ITCH: variants seen among roughly 807,000 people sequenced by gnomAD.
The protein encoded by ITCH is E3 ubiquitin-protein ligase Itchy homolog.
Under a neutral mutation model 126.8 loss-of-function variants are expected in ITCH, and 28 were observed. The ratio of observed to expected loss-of-function variants is 0.22; its 90% confidence interval spans 0.16 to 0.30. ITCH has a LOEUF of 0.30. Among genes scored for constraint, ITCH ranks in the 10% least tolerant of loss-of-function variants. The pLI is 1.00. For synonymous variants in ITCH, 342 were observed against 340.0 expected (o/e 1.01, Z -0.06); for missense variants, 631 against 1,032.4 (o/e 0.61, Z 5.33).
chr20:34,402,239 T>G lies in ITCH; in HGVS notation c.71-6412T>G, dbSNP rs543690294. On this transcript the variant is annotated intron_variant, in intron 3 of 24. Coordinates refer to ENST00000374864, the MANE Select transcript of ITCH (RefSeq NM_031483.7). ...CAAATACATTCTTTAGGCCTTTCTT[T>G]GTGAGTGCAGAACACTCCACGTACT... 318 of 1,378,110 alleles carry G rather than the reference T, an allele frequency of 2.3e-4. 2 individuals are homozygous for G. The African/African-American group carries it at 4.0e-3, about 17-fold the overall frequency. The allele number at this position is 1,378,110 out of a possible 1,614,324, so 85.4% of individuals were successfully genotyped here.
At position 34,438,569 on chromosome 20, in the gene ITCH, G is replaced by C; in HGVS notation, c.617G>C (p.Gly206Ala). The change falls in exon 8 of 25, where the codon GGT (glycine) becomes GCT (alanine). Residue 206 changes from glycine (G) to alanine (A), a missense_variant. Physicochemically the swap from Gly to Ala is moderately conservative, Grantham distance 60 (BLOSUM62 0). This residue lies in a region of ITCH where 220 missense variants were observed against 265.7 expected (regional missense o/e 0.83). Coordinates refer to ENST00000374864, the MANE Select transcript of ITCH (RefSeq NM_031483.7). ...AATTCTCCATCACTCTCAAATGGTG[G>C]TTTTAAACCTTCTAGACCTCCAAGA... ...GNNSPSLSNG[G>A]FKPSRPPRPS... is the part of the protein sequence containing the mutation. 6.2e-7 allele frequency: 1 copy of C among 1,614,058 alleles called. No individual in the cohort carries two copies. The highest frequency in any genetic ancestry group is 8.5e-7 in the Non-Finnish European group (1 of 1,180,022).
intron 20 of ITCH, among the ~76,000 whole-genome samples, chr20:34,482,784 C>T (rs1988848429): frequency 1.3e-5 from 2 of 152,190 alleles, no homozygotes; most frequent in Admixed American, 1.3e-4. Flanking sequence ...AGTAGGGACT[C>T]TGTATGGGCC....
At position 34,507,286 on chromosome 20, in the gene ITCH, T is replaced by G. The variant is rs1043673909; in HGVS notation, c.2490-409T>G. Among the ~76,000 whole-genome samples the G allele has an allele frequency of 4.4e-3, 449 of 101,294 alleles. 6 individuals carry two copies. The highest frequency in any genetic ancestry group is 8.4e-3 in the South Asian group (21 of 2,494). 66.5% of individuals were successfully genotyped at this position (101,294 alleles called of 152,430 possible). ...CTGTTTTTTTTTTTTTTTTTTTTTTTTTTGGTTGTTGTTGTTGTTGTTTTG... is the reference window on the plus strand; with the variant it reads ...CTGTTTTTTTTTTTTTTTTTTTTTTGTTTGGTTGTTGTTGTTGTTGTTTTG... On this transcript the variant is annotated intron_variant, in intron 24 of 24. Coordinates refer to ENST00000374864, the MANE Select transcript of ITCH (RefSeq NM_031483.7).
intron 17 of ITCH, among the ~76,000 whole-genome samples, chr20:34,479,176 G>A (rs1988503000): frequency 6.6e-6 from 1 of 152,014 alleles, no homozygotes; most frequent in African/African-American, 2.4e-5. Flanking sequence ...AGTGGCACTT[G>A]ATGGGGATTA....
In ITCH at chr20:34,470,135, T is replaced by G; in HGVS notation, c.1497+15T>G. On this transcript the variant is annotated intron_variant, in intron 15 of 24. Coordinates refer to ENST00000374864, the MANE Select transcript of ITCH (RefSeq NM_031483.7). ...TCTGGTGTCAGGTTAGTATTGGAAC[T>G]GTATCTCTGTACTGCCTTAACTTTG... The G allele has an allele frequency of 6.3e-7, 1 of 1,591,168 alleles. No homozygotes were observed.
In ITCH at chr20:34,474,786, CGG is replaced by C. The variant is rs59820332; in HGVS notation, c.1570-2980_1570-2979del. 1.2e-3 allele frequency among the ~76,000 whole-genome samples: 186 copies of C among 150,452 alleles called. 1 individual carries two copies. Among genetic ancestry groups the C allele is most frequent in the African/African-American group, 4.4e-3 (182 of 40,922 alleles). On this transcript the variant is annotated intron_variant, in intron 16 of 24. Coordinates refer to ENST00000374864, the MANE Select transcript of ITCH (RefSeq NM_031483.7). ...CTCCAGGACAGGGCGGCTGGCCGGG[CGG>C]GGGGGCTGACCCCCCCACCTCCCTC... is the stretch of plus-strand genomic sequence containing the variant.
At chr20:34,394,260 G>A (rs1463770363) in intron 3 of ITCH, among the ~76,000 whole-genome samples, 6 of 149,776 alleles carry the variant, frequency 4.0e-5, no homozygotes, top group African/African-American at 7.4e-5. Flanking sequence ...TTTAATGGCT[G>A]TTACATGTCA....
intron 22 of ITCH, among the ~76,000 whole-genome samples, chr20:34,491,264 A>G (rs1989491065): frequency 6.6e-6 from 1 of 152,244 alleles, no homozygotes; most frequent in Non-Finnish European, 1.5e-5. Flanking sequence ...CCTTAAAAAC[A>G]TTATGAATTT....
intron 11 of ITCH, among the ~76,000 whole-genome samples, chr20:34,447,040 C>T (rs1352435533): frequency 6.6e-6 from 1 of 152,090 alleles, no homozygotes; most frequent in Non-Finnish European, 1.5e-5. Context: ...TATATGTACC[C>T]TTTATCTCAT....
intron 12 of ITCH, among the ~76,000 whole-genome samples, chr20:34,451,901 C>T (rs1985298227): frequency 6.6e-6 from 1 of 151,826 alleles, no homozygotes; most frequent in South Asian, 2.1e-4. Context: ...AAACCTGTCT[C>T]TATAAAAAAA....
At chr20:34,450,249 T>C (rs1419422547) in intron 12 of ITCH, among the ~76,000 whole-genome samples, 1 of 152,212 alleles carries the variant, frequency 6.6e-6, no homozygotes. Flanking sequence ...TGTGAGACTT[T>C]TTGTGCAATT....
intron 6 of ITCH, among the ~76,000 whole-genome samples, chr20:34,417,896 C>T (rs1057117291): frequency 2.0e-5 from 3 of 150,724 alleles, no homozygotes; most frequent in Non-Finnish European, 4.4e-5. Context: ...ACAAGAAACA[C>T]AGAAAAGTAT....
At chr20:34,422,165 T>A (rs556973623) in intron 6 of ITCH, among the ~76,000 whole-genome samples, 1 of 149,538 alleles carries the variant, frequency 6.7e-6, no homozygotes, top group African/African-American at 2.4e-5. Flanking sequence ...ATAAATACTC[T>A]ATGAAGTAGG....
chr20:34,500,631 C>G (rs1250212382), intron 23 of ITCH, among the ~76,000 whole-genome samples: 1 of 152,068 alleles, frequency 6.6e-6, no homozygotes, highest in Admixed American at 6.6e-5. Context: ...TTCAGCCAGT[C>G]TATATCTTTT....
intron 23 of ITCH, among the ~76,000 whole-genome samples, chr20:34,493,884 G>A (rs565716953): frequency 6.6e-5 from 10 of 152,318 alleles, no homozygotes; most frequent in Middle Eastern, 6.8e-3. Context: ...AGAATACAGA[G>A]AGGAGTAGAA....
At chr20:34,464,546 C>T (rs1295185099) in intron 14 of ITCH, among the ~76,000 whole-genome samples, 2 of 151,872 alleles carry the variant, frequency 1.3e-5, no homozygotes, top group East Asian at 1.9e-4. Context: ...AGGCTGATCT[C>T]GAACTCCCGA....
At chr20:34,417,156 G>A in intron 6 of ITCH, 1 of 684,384 alleles carries the variant, frequency 1.5e-6, no homozygotes, top group Non-Finnish European at 2.7e-6. Flanking sequence ...GAGTGCAATA[G>A]TGCGATCTCG....
At position 34,413,754 on chromosome 20, in the gene ITCH, T is replaced by C. The variant is rs1601841346; in HGVS notation, c.350T>C (p.Val117Ala). 1 of 1,609,954 alleles carries C rather than the reference T, an allele frequency of 6.2e-7. No homozygotes were observed. The highest frequency in any genetic ancestry group is 8.5e-7 in the Non-Finnish European group (1 of 1,177,970). The stretch of plus-strand genomic sequence containing the variant: ...TATTTTCTTCCAGTTGAAGAAGTAG[T>C]TGTGACTTTGCAGCTTGGAGGTGAC... ...KSNNMKLEEV[V>A]VTLQLGGDKE... Residue 117 changes from valine to alanine, a missense_variant, in exon 6 of 25, where the codon GTT (valine) becomes GCT (alanine). Transcript: ENST00000374864.
At position 34,412,532 on chromosome 20, in the gene ITCH, G is replaced by A. The variant is rs1484852077; in HGVS notation, c.230G>A (p.Ser77Asn). 9 of 1,599,664 alleles carry A rather than the reference G, an allele frequency of 5.6e-6. No homozygotes were observed. The highest frequency in any genetic ancestry group is 7.7e-6 in the Non-Finnish European group (9 of 1,167,076). The change falls in exon 5 of 25, where the codon AGT (serine) becomes AAT (asparagine). Residue 77 changes from serine (S) to asparagine (N), a missense_variant. Around this residue, in one of 4 missense-constraint regions of ITCH, gnomAD observed 220 missense variants for 265.7 expected, o/e 0.83. Transcript: ENST00000374864. The part of the protein sequence containing the change: ...QPLTVIVTPV[S>N]KLHFRVWSHQ... ...ACTTTTAGTATCGTTACCCCTGTGA[G>A]TAAATTACATTTTCGTGTGTGGAGT...
Sources: gnomAD v4.1 joint callset for allele counts (sites outside exome capture counted in the v4.1 genomes callset) on GRCh38, gnomAD v4.1.1 for gene constraint, gnomAD v4.1.1 regional missense constraint, MANE v1.5 for transcripts, NCBI Gene and HGNC (gene_info 2026-07-23, HGNC 2026-07-21) for gene names.